The following DHDDS variants were observed in gnomAD, a reference collection of about 807,000 sequenced individuals.
DHDDS encodes dehydrodolichyl diphosphate synthase subunit.
DHDDS carries 16 observed loss-of-function variants against 46.2 expected under a neutral mutation model. The ratio of observed to expected loss-of-function variants is 0.35; its 90% CI spans 0.23 to 0.53. The LOEUF (loss-of-function observed/expected upper bound fraction) is 0.53. DHDDS is among the 20% of genes least tolerant of loss of function. The probability of loss-of-function intolerance (pLI) is 0.94; values close to 1 mark genes in which losing one functional copy is unlikely to be tolerated. For synonymous variants in DHDDS, 151 were observed against 163.1 expected (o/e 0.93, Z 0.56); for missense variants, 340 against 423.7 (o/e 0.80, Z 1.73).
rs2075233641 is a variant in DHDDS at position 26,442,985 on chromosome 1, T to C, written c.323+112T>C. ...TTAAGGGACTTGCAACTCTTTTTAATGTTAGTTAGATATCTTGGGTGGCAA... is the reference window on the plus strand; with the variant it reads ...TTAAGGGACTTGCAACTCTTTTTAACGTTAGTTAGATATCTTGGGTGGCAA... On this transcript the variant is annotated intron_variant, in intron 4 of 8. Transcript: ENST00000236342. The C allele has an allele frequency of 4.5e-6, 7 of 1,557,636 alleles. No individual in the cohort carries two copies. The Admixed American group carries it at 5.7e-5, about 13-fold the overall frequency.
At position 26,469,601 on chromosome 1, in the gene DHDDS, TA is replaced by T; in HGVS notation, c.*472del. ...ACTAATAGGCAGGCAGTTATTTGGGTAAGGAAAAAAGGGGTGGGAGAGACAG... is the reference window on the plus strand; with the variant it reads ...ACTAATAGGCAGGCAGTTATTTGGGTAGGAAAAAAGGGGTGGGAGAGACAG... On this transcript the variant is annotated 3_prime_UTR_variant, in exon 9 of 9. Transcript: ENST00000236342. 4.2e-6 allele frequency: 1 copy of T among 235,508 alleles called. No homozygotes were observed. Among genetic ancestry groups the T allele is most frequent in the South Asian group, 5.6e-5 (1 of 17,882 alleles). The allele number at this position is 235,508 out of a possible 1,614,324, so 14.6% of individuals were successfully genotyped here.
chr1:26,455,888 C>A (rs1025524074), intron 6 of DHDDS, among the ~76,000 whole-genome samples: 1 of 152,074 alleles, frequency 6.6e-6, no homozygotes, highest in African/African-American at 2.4e-5. Flanking sequence ...GTCTTCTGGA[C>A]CCTTTCCAAG....
At chr1:26,447,210 C>T (rs891134027) in intron 5 of DHDDS, among the ~76,000 whole-genome samples, 8 of 152,088 alleles carry the variant, frequency 5.3e-5, no homozygotes, top group African/African-American at 1.9e-4. Context: ...ATCCCAGCTA[C>T]TCGGGAGGCT....
chr1:26,460,090 T>C lies in DHDDS; in HGVS notation c.711T>C (p.Phe237=), dbSNP rs1258300851. ...FQPVLWPEYT[F]WNLFEAILQF... ...CCGTTCTGTGGCCAGAGTATACATT[T>C]TGGAACCTCTTCGAGGCCATCCTGC... Residue 237 remains phenylalanine, a synonymous_variant, in exon 8 of 9, where the codon TTT becomes TTC. Transcript: ENST00000236342. 1.9e-6 allele frequency: 3 copies of C among 1,614,180 alleles called. No individual in the cohort carries two copies. The highest frequency in any genetic ancestry group is 2.5e-6 in the Non-Finnish European group (3 of 1,180,042).
rs754188985 is a variant in DHDDS, at chr1:26,469,090, C to T, written c.961C>T (p.Arg321Ter). 5.6e-6 allele frequency: 9 copies of T among 1,613,176 alleles called. No individual in the cohort carries two copies. The highest frequency in any genetic ancestry group is 2.2e-5 in the East Asian group (1 of 44,876). ...CTTCCTGCAGGCCTTGGAACTCAAGCGAGCTGACTGGCTGGCCCGTCTGGG... is the reference window on the plus strand; with the variant it reads ...CTTCCTGCAGGCCTTGGAACTCAAGTGAGCTGACTGGCTGGCCCGTCTGGG... ...QGFLQALELK[R>*]ADWLARLGTA... The change falls in exon 9 of 9, where the codon CGA becomes TGA. Residue 321 changes from arginine to a stop codon, truncating the protein, a stop_gained. Transcript: ENST00000236342. LOFTEE classifies it high-confidence loss of function.
chr1:26,450,528 G>A (rs2075309994), intron 6 of DHDDS, among the ~76,000 whole-genome samples: 1 of 152,160 alleles, frequency 6.6e-6, no homozygotes, highest in Admixed American at 6.6e-5. Flanking sequence ...GCTGGGTAGA[G>A]GAGAATAAGC....
intron 2 of DHDDS, among the ~76,000 whole-genome samples, chr1:26,437,212 T>C (rs2075168557): frequency 6.6e-6 from 1 of 151,938 alleles, no homozygotes; most frequent in African/African-American, 2.4e-5. Context: ...TGCAAGTCAC[T>C]AGAACTCTCT....
intron 6 of DHDDS, among the ~76,000 whole-genome samples, chr1:26,453,296 T>C (rs897670880): frequency 6.6e-6 from 1 of 152,230 alleles, no homozygotes; most frequent in African/African-American, 2.4e-5. Flanking sequence ...TTAATTTCTT[T>C]AACCAGTCTT....
At chr1:26,467,526 A>G (rs1351930631) in intron 8 of DHDDS, 12 of 344,698 alleles carry the variant, frequency 3.5e-5, no homozygotes, top group Non-Finnish European at 6.3e-6. Context: ...AGAGACAGCA[A>G]ATCAGTTCCC....
intron 8 of DHDDS, chr1:26,462,705 T>C (rs2075436736): frequency 1.3e-5 from 2 of 152,176 alleles, no homozygotes; most frequent in South Asian, 4.1e-4. Context: ...TTATAGTAAT[T>C]TCACGTTTCT....
intron 6 of DHDDS, among the ~76,000 whole-genome samples, chr1:26,455,875 T>G (rs574361113): frequency 2.0e-5 from 3 of 152,318 alleles, no homozygotes; most frequent in African/African-American, 7.2e-5. Flanking sequence ...CCAAGAAATT[T>G]TTGTCTTCTG....
At chr1:26,453,099 C>T (rs1339531944) in intron 6 of DHDDS, among the ~76,000 whole-genome samples, 1 of 151,260 alleles carries the variant, frequency 6.6e-6, no homozygotes, top group African/African-American at 2.4e-5. Flanking sequence ...CTGAAACACA[C>T]ACACACACAC....
intron 5 of DHDDS, among the ~76,000 whole-genome samples, 164 bp downstream of exon 5, chr1:26,446,596 A>G (rs1441728342): frequency 3.3e-5 from 5 of 152,194 alleles, no homozygotes; most frequent in African/African-American, 1.2e-4. Flanking sequence ...CACACCAGAC[A>G]TGATTCTGCA....
At chr1:26,445,596 C>G (rs1377323122) in intron 4 of DHDDS, among the ~76,000 whole-genome samples, 1 of 152,052 alleles carries the variant, frequency 6.6e-6, no homozygotes, top group African/African-American at 2.4e-5. Flanking sequence ...GCCTTTAGTC[C>G]CAGCTACTTG....
Position 26,438,861 on chromosome 1 carries a change from G to A in DHDDS, c.180+577G>A, listed in dbSNP as rs566180426. On this transcript the variant is annotated intron_variant, in intron 3 of 8. Coordinates refer to ENST00000236342, the MANE Select transcript of DHDDS (RefSeq NM_205861.3). ...TTTTATGCCTCATCCAATCCTTATT[G>A]TATGCTCTACGTGACTTAACATTAA... 3.7e-5 allele frequency: 6 copies of A among 162,388 alleles called. 1 individual carries two copies. Among genetic ancestry groups the A allele is most frequent in the African/African-American group, 1.4e-4 (6 of 41,602 alleles). 10.1% of individuals were successfully genotyped at this position (162,388 alleles called of 1,614,324 possible).
At chr1:26,452,970 C>T (rs2075335399) in intron 6 of DHDDS, among the ~76,000 whole-genome samples, 1 of 151,952 alleles carries the variant, frequency 6.6e-6, no homozygotes, top group Admixed American at 6.6e-5. Flanking sequence ...TGCTGGCACA[C>T]ACCTGTAGCT....
chr1:26,455,655 G>A (rs1271826026), intron 6 of DHDDS, among the ~76,000 whole-genome samples: 1 of 152,180 alleles, frequency 6.6e-6, no homozygotes, highest in Non-Finnish European at 1.5e-5. Flanking sequence ...GCTGAGGCAA[G>A]AGAATCACTT....
intron 8 of DHDDS, among the ~76,000 whole-genome samples, chr1:26,468,600 C>T (rs537476073): frequency 1.6e-4 from 24 of 152,244 alleles, no homozygotes; most frequent in East Asian, 7.7e-4. Context: ...ATGGGGGAAT[C>T]AGAAGTCAGA....
intron 3 of DHDDS, 156 bp downstream of exon 3, chr1:26,438,440 A>C: frequency 1.3e-6 from 1 of 741,184 alleles, no homozygotes; most frequent in Non-Finnish European, 2.3e-6. Flanking sequence ...TCATCTTGAC[A>C]TTGGCCAGAC....
Sources: gnomAD v4.1 joint callset for allele counts (sites outside exome capture counted in the v4.1 genomes callset) on GRCh38, gnomAD v4.1.1 for gene constraint, MANE v1.5 for transcripts, NCBI Gene and HGNC (gene_info 2026-07-23, HGNC 2026-07-21) for gene names.